Variants in RAB8B observed in about 807,000 individuals in gnomAD.
RAB8B encodes ras-related protein Rab-8B.
In RAB8B, 11 loss-of-function variants were observed where a neutral mutation model predicts 32.0. The ratio of observed to expected loss-of-function variants is 0.34; its 90% CI spans 0.22 to 0.57. RAB8B has a LOEUF of 0.57. RAB8B is among the 20% of genes least tolerant of loss of function. RAB8B has a pLI of 0.86. For missense variants in RAB8B, 190 were observed against 258.5 expected, an observed-to-expected ratio of 0.73 and a Z score of 1.82; for synonymous variants, 103 against 89.6, an observed-to-expected ratio of 1.15 and a Z score of -0.85.
At chr15:63,204,223 G>A (rs538114423) in intron 1 of RAB8B, among the ~76,000 whole-genome samples, 2 of 152,156 alleles carry the variant, frequency 1.3e-5, no homozygotes, top group African/African-American at 4.8e-5. Flanking sequence ...ATAAAATTTA[G>A]GACTACGTGC....
At chr15:63,212,938 G>A (rs955596656) in intron 1 of RAB8B, among the ~76,000 whole-genome samples, 1 of 152,176 alleles carries the variant, frequency 6.6e-6, no homozygotes, top group Admixed American at 6.5e-5. Context: ...AGAATTAAAA[G>A]CACATGCCAC....
chr15:63,212,233 C>T (rs192282373), intron 1 of RAB8B, among the ~76,000 whole-genome samples: 3 of 152,074 alleles, frequency 2.0e-5, no homozygotes, highest in Non-Finnish European at 4.4e-5. Flanking sequence ...TGAACTAGTT[C>T]GCAGCAAAAA....
At position 63,259,447 on chromosome 15, in the gene RAB8B, G is replaced by A. The variant is rs1030427098; in HGVS notation, c.415-180G>A. On this transcript the variant is annotated intron_variant, in intron 5 of 7. Coordinates refer to ENST00000321437, the MANE Select transcript of RAB8B (RefSeq NM_016530.3). This position sits in a 1 kb window ranked among gnomAD's most constrained non-coding sequence, Gnocchi z 4.4. ...ATGGAAGTTGTGCCATCCTTCTTACGATGATTAAGTTAAATTATTAAATTC... is the reference window on the plus strand; with the variant it reads ...ATGGAAGTTGTGCCATCCTTCTTACAATGATTAAGTTAAATTATTAAATTC... 7.6e-4 allele frequency among the ~76,000 whole-genome samples: 115 copies of A among 152,156 alleles called. 1 individual carries two copies. Among genetic ancestry groups the A allele is most frequent in the Non-Finnish European group, 1.9e-4 (13 of 68,044 alleles).
chr15:63,245,316 A>G lies in RAB8B; in HGVS notation c.185+500A>G, dbSNP rs566290695. ...GCATTGGAGTTCCCCTCCAGCTATG[A>G]TATTTTATGATTTATTTGCATATTT... On this transcript the variant is annotated intron_variant, in intron 2 of 7. Transcript: ENST00000321437. Among the ~76,000 whole-genome samples, 9 of 152,320 alleles carry G rather than the reference A, an allele frequency of 5.9e-5. No individual in the cohort carries two copies. The East Asian group carries it at 1.5e-3, about 26-fold the overall frequency.
chr15:63,251,972 C>T (rs954027336), intron 3 of RAB8B, among the ~76,000 whole-genome samples: 1 of 151,974 alleles, frequency 6.6e-6, no homozygotes, highest in Admixed American at 6.6e-5. Flanking sequence ...GCATTTCAAA[C>T]ACATCAACAG....
rs188032029 is a variant in RAB8B at position 63,235,471 on chromosome 15, T to C, written c.125-9285T>C. ...AAAAACTTTTAGACCTATTAAAGTATAGCTAATATAAGACATTCTCATGTC... is the reference window on the plus strand; with the variant it reads ...AAAAACTTTTAGACCTATTAAAGTACAGCTAATATAAGACATTCTCATGTC... On this transcript the variant is annotated intron_variant, in intron 1 of 7. Transcript: ENST00000321437. Among the ~76,000 whole-genome samples, 5 of 152,226 alleles carry C rather than the reference T, an allele frequency of 3.3e-5. No individual in the cohort carries two copies. The East Asian group carries it at 7.7e-4, about 24-fold the overall frequency.
At chr15:63,247,747 G>T (rs2038082956) in intron 2 of RAB8B, among the ~76,000 whole-genome samples, 3 of 152,154 alleles carry the variant, frequency 2.0e-5, no homozygotes. Context: ...ACTCAGAACT[G>T]GGACAGAAGA....
At chr15:63,258,495 G>A (rs1432247285) in intron 5 of RAB8B, among the ~76,000 whole-genome samples, 3 of 152,214 alleles carry the variant, frequency 2.0e-5, no homozygotes, top group East Asian at 3.9e-4. Flanking sequence ...TTTACCAGTG[G>A]AGGGTCTTGA....
At chr15:63,225,902 G>A (rs921499217) in intron 1 of RAB8B, among the ~76,000 whole-genome samples, 9 of 152,132 alleles carry the variant, frequency 5.9e-5, no homozygotes, top group South Asian at 4.1e-4. Flanking sequence ...GTGCAGTGGC[G>A]TGATCATAGC....
At position 63,208,448 on chromosome 15, in the gene RAB8B, A is replaced by G. The variant is rs181023247; in HGVS notation, c.124+18700A>G. Among the ~76,000 whole-genome samples, 3 of 152,326 alleles carry G rather than the reference A, an allele frequency of 2.0e-5. No homozygotes were observed. In the East Asian group the frequency reaches 5.8e-4, roughly 29 times the overall value. ...ATTTGTGAAAGAAAAAACGATTGTA[A>G]TAGAATTCTTGCTATTTTTTTTCTC... On this transcript the variant is annotated intron_variant, in intron 1 of 7. Coordinates refer to ENST00000321437, the MANE Select transcript of RAB8B (RefSeq NM_016530.3).
At chr15:63,251,090 T>C (rs2038113492) in intron 3 of RAB8B, among the ~76,000 whole-genome samples, 1 of 152,064 alleles carries the variant, frequency 6.6e-6, no homozygotes, top group Non-Finnish European at 1.5e-5. Flanking sequence ...AAGGCTGAAG[T>C]GTACCACTAA....
At position 63,219,004 on chromosome 15, in the gene RAB8B, A is replaced by ATTTTTTTTTT. The variant is rs71131152; in HGVS notation, c.125-25732_125-25723dup. 6.4e-4 allele frequency among the ~76,000 whole-genome samples: 61 copies of ATTTTTTTTTT among 94,670 alleles called. 15 individuals are homozygous for ATTTTTTTTTT. Among genetic ancestry groups the ATTTTTTTTTT allele is most frequent in the Non-Finnish European group, 1.0e-3 (53 of 50,510 alleles). 62.1% of individuals were successfully genotyped at this position (94,670 alleles called of 152,430 possible). A position where few individuals can be genotyped will look rare whatever the true frequency, so the allele number is the denominator to read the frequency against. ...AAATGATCTTTTCTTCCAGCAGTGGATTTTTTTTTTTTTTTTTTTTTTTTT... is the reference window on the plus strand; with the variant it reads ...AAATGATCTTTTCTTCCAGCAGTGGATTTTTTTTTTTTTTTTTTTTTTTTTTTTTTTTTTT... On this transcript the variant is annotated intron_variant, in intron 1 of 7. Coordinates refer to ENST00000321437, the MANE Select transcript of RAB8B (RefSeq NM_016530.3).
At chr15:63,255,706 T>A (rs539737130) in intron 4 of RAB8B, 122 bp downstream of exon 4, 4 of 744,020 alleles carry the variant, frequency 5.4e-6, no homozygotes, top group Admixed American at 4.5e-5. Context: ...TTGGGCCCTC[T>A]CTCTCTGAAG....
chr15:63,208,155 T>G (rs1460585315), intron 1 of RAB8B, among the ~76,000 whole-genome samples: 1 of 152,184 alleles, frequency 6.6e-6, no homozygotes, highest in Non-Finnish European at 1.5e-5. Context: ...GGCCTATCAT[T>G]CCAAACTCCC....
chr15:63,216,709 A>T (rs546892563), intron 1 of RAB8B, among the ~76,000 whole-genome samples: 110 of 151,898 alleles, frequency 7.2e-4, no homozygotes, highest in African/African-American at 2.2e-3. Flanking sequence ...AAAATACAAA[A>T]ATTAGTCGGG....
intron 1 of RAB8B, among the ~76,000 whole-genome samples, chr15:63,214,484 G>A (rs562941701): frequency 1.3e-5 from 2 of 151,866 alleles, no homozygotes; most frequent in East Asian, 3.9e-4. Context: ...TAGAGACGGG[G>A]TTTCACCATG....
chr15:63,262,219 T>C (rs2038208613), intron 6 of RAB8B, among the ~76,000 whole-genome samples: 2 of 152,158 alleles, frequency 1.3e-5, no homozygotes, highest in South Asian at 2.1e-4. Flanking sequence ...TGGGGTAGCT[T>C]AGACAGAGCT....
Position 63,189,646 on chromosome 15 carries a change from C to G in RAB8B, c.22C>G (p.Leu8Val). ...GAAGATGGCGAAGACGTACGATTAT[C>G]TCTTCAAGCTCCTGCTGATCGGCGA... MAKTYDY[L>V]FKLLLIGDSG... The change falls in exon 1 of 8, where the codon CTC (leucine) becomes GTC (valine). Residue 8 changes from leucine to valine, a missense_variant. This residue lies in a region of RAB8B where 80 missense variants were observed against 142.6 expected (regional missense o/e 0.56). Transcript: ENST00000321437. The G allele has an allele frequency of 6.2e-7, 1 of 1,613,922 alleles. No homozygotes were observed. The highest frequency in any genetic ancestry group is 8.5e-7 in the Non-Finnish European group (1 of 1,179,890).
chr15:63,191,184 G>A (rs1043908153), intron 1 of RAB8B, among the ~76,000 whole-genome samples: 3 of 152,078 alleles, frequency 2.0e-5, no homozygotes, highest in Non-Finnish European at 4.4e-5. Context: ...CTTTCGTATG[G>A]TTCTTACAGC....
Sources: allele counts gnomAD v4.1 joint callset (sites outside exome capture counted in the v4.1 genomes callset), GRCh38; gene constraint gnomAD v4.1.1; regional missense constraint gnomAD v4.1.1; non-coding constraint Gnocchi (gnomAD v3.1); transcripts MANE v1.5; gene names NCBI Gene and HGNC (gene_info 2026-07-23, HGNC 2026-07-21).